The following WBP1 variants were observed in gnomAD, a reference collection of about 807,000 sequenced individuals.
WBP1 encodes the protein WW domain binding protein 1.
Under a neutral mutation model 25.6 loss-of-function variants are expected in WBP1, and 18 were observed. The observed-to-expected ratio is 0.70, with a 90% CI of 0.49 to 1.04. The LOEUF is 1.04. WBP1 is among the 50% of genes least tolerant of loss of function. WBP1 has a pLI of 0.00. For missense variants in WBP1, 330 were observed against 352.9 expected (o/e 0.94, Z 0.52); for synonymous variants, 122 against 137.7 (o/e 0.89, Z 0.80).
At chr2:74,459,593 G>C (rs764279579) in intron 1 of WBP1, 50 bp from the exon 2 acceptor site, 2 of 1,572,128 alleles carry the variant, frequency 1.3e-6, no homozygotes, top group Admixed American at 3.4e-5. Context: ...GGGGTGGACA[G>C]TGCCCTGGGC....
intron 2 of WBP1, 24 bp from the exon 3 acceptor site, chr2:74,459,849 T>C (rs1671841965): frequency 1.2e-6 from 2 of 1,612,762 alleles, no homozygotes; most frequent in Admixed American, 3.3e-5. Context: ...GATGCCTGAG[T>C]TGCTCCCTCC....
At position 74,459,998 on chromosome 2, in the gene WBP1, G is replaced by A. The variant is rs775597119; in HGVS notation, c.298G>A (p.Gly100Arg). The change falls in exon 3 of 4, where the codon GGG becomes AGG. Residue 100 changes from glycine to arginine, a missense_variant. Gly to Arg is a moderately radical substitution (Grantham distance 125, BLOSUM62 -2). Transcript: ENST00000233615. ...QREINLLAYHGACHGAGPFPT... is the reference protein window; with the variant it reads ...QREINLLAYHRACHGAGPFPT... Reference sequence around the variant, plus strand: ...TGAAATCAACTTGTTGGCCTATCATGGGGCATGCCATGGGGCTGGTCCTTT... The same window carrying A: ...TGAAATCAACTTGTTGGCCTATCATAGGGCATGCCATGGGGCTGGTCCTTT... 45 of 1,614,068 alleles carry A rather than the reference G, an allele frequency of 2.8e-5. No individual in the cohort carries two copies. The Admixed American group carries it at 7.5e-4, about 27-fold the overall frequency.
intron 2 of WBP1, 27 bp from the exon 3 acceptor site, chr2:74,459,846 G>A: frequency 6.2e-7 from 1 of 1,612,900 alleles, no homozygotes; most frequent in Non-Finnish European, 8.5e-7. Context: ...AAAGATGCCT[G>A]AGTTGCTCCC....
chr2:74,460,586 G>C lies in WBP1; in HGVS notation c.715G>C (p.Asp239His), dbSNP rs199714063. Residue 239 changes from aspartate (D) to histidine (H), a missense_variant, in exon 4 of 4, where the codon GAT becomes CAT. Asp to His is a moderately conservative substitution (Grantham distance 81). Coordinates refer to ENST00000233615, the MANE Select transcript of WBP1 (RefSeq NM_012477.4). ...KEVRVSATLP[D>H]LEDYSPCALP... ...GGTGAGGGTTAGTGCCACCCTGCCA[G>C]ATCTGGAGGACTACTCCCCGTGTGC... The C allele has an allele frequency of 2.5e-6, 4 of 1,613,532 alleles. No homozygotes were observed. The East Asian group carries it at 8.9e-5, about 36-fold the overall frequency.
chr2:74,458,986 T>G, intron 1 of WBP1: 1 of 1,550,586 alleles, frequency 6.4e-7, no homozygotes, highest in Non-Finnish European at 8.7e-7. Flanking sequence ...ATGTGCCTAT[T>G]GTCACAACAG....
At position 74,460,261 on chromosome 2, in the gene WBP1, G is replaced by A; in HGVS notation, c.390G>A (p.Val130=). Reference sequence around the variant, plus strand: ...TCAAGCCCCCAGCCTACGAGGATGTGGTTCACCGCCCAGGCACACCACCCC... The same window carrying A: ...TCAAGCCCCCAGCCTACGAGGATGTAGTTCACCGCCCAGGCACACCACCCC... ...STFKPPAYED[V]VHRPGTPPPP... is the part of the protein sequence containing the mutation. The change falls in exon 4 of 4, where the codon GTG becomes GTA. Residue 130 remains valine (V), a synonymous_variant. Transcript: ENST00000233615. 3.1e-6 allele frequency: 5 copies of A among 1,613,468 alleles called. No homozygotes were observed. Among genetic ancestry groups the A allele is most frequent in the Non-Finnish European group, 4.2e-6 (5 of 1,179,566 alleles).
chr2:74,459,582 G>T, intron 1 of WBP1, 61 bp from the exon 2 acceptor site: 2 of 1,499,796 alleles, frequency 1.3e-6, no homozygotes, highest in South Asian at 2.3e-5. Context: ...TGCAGGAGGT[G>T]GGGGTGGACA....
chr2:74,459,361 G>T (rs1463548429), intron 1 of WBP1: 1 of 636,706 alleles, frequency 1.6e-6, no homozygotes, highest in East Asian at 2.8e-5. Context: ...AGTGAGGCTT[G>T]AGTGTGAAGG....
chr2:74,459,471 T>C, intron 1 of WBP1, 172 bp from the exon 2 acceptor site: 1 of 659,094 alleles, frequency 1.5e-6, no homozygotes, highest in Non-Finnish European at 2.7e-6. Flanking sequence ...CTCTTCCACG[T>C]TGACAGCCCT....
rs143673545 is a variant in WBP1, at chr2:74,460,759, C to G, written c.*78C>G. The G allele has an allele frequency of 1.5e-5, 19 of 1,280,196 alleles. No homozygotes were observed. The East Asian group carries it at 4.7e-4, about 32-fold the overall frequency. The allele number at this position is 1,280,196 out of a possible 1,614,324, so 79.3% of individuals were successfully genotyped here. On this transcript the variant is annotated 3_prime_UTR_variant, in exon 4 of 4. Transcript: ENST00000233615. ...CCAACTCCTTGCGTTCCTTTGGCCC[C>G]TCCCTGCCTACCTAGAATCTGCCTG... is the stretch of plus-strand genomic sequence containing the variant.
chr2:74,459,061 T>C (rs1475625157), intron 1 of WBP1: 1 of 1,549,946 alleles, frequency 6.5e-7, no homozygotes, highest in Non-Finnish European at 8.7e-7. Flanking sequence ...ACTCGCGCCC[T>C]GGATGCCATC....
In WBP1 at chr2:74,460,119, A is replaced by G. The variant is rs1229836328; in HGVS notation, c.349+70A>G. 1.9e-6 allele frequency: 3 copies of G among 1,546,444 alleles called. No homozygotes were observed. In the African/African-American group the frequency reaches 4.5e-5, roughly 23 times the overall value. The stretch of plus-strand genomic sequence containing the variant: ...AAACCAGAACCCCAAATCGTCTCAC[A>G]TTCCCTTTTCCACACATTTCAAAGT... On this transcript the variant is annotated intron_variant, in intron 3 of 3. Coordinates refer to ENST00000233615, the MANE Select transcript of WBP1 (RefSeq NM_012477.4).
In WBP1 at chr2:74,460,023, T is replaced by C; in HGVS notation, c.323T>C (p.Phe108Ser). 1.9e-6 allele frequency: 3 copies of C among 1,613,908 alleles called. No individual in the cohort carries two copies. The highest frequency in any genetic ancestry group is 2.5e-6 in the Non-Finnish European group (3 of 1,179,832). Reference protein sequence around the residue: ...YHGACHGAGPFPTGSLLDLRF... With the variant: ...YHGACHGAGPSPTGSLLDLRF... ...GGGGCATGCCATGGGGCTGGTCCTT[T>C]CCCTACCGGTTCACTGCTTGACCTT... The change falls in exon 3 of 4, where the codon TTC (phenylalanine) becomes TCC (serine). Residue 108 changes from phenylalanine (F) to serine (S), a missense_variant. By Grantham distance (155) the Phe-to-Ser change is radical. Coordinates refer to ENST00000233615, the MANE Select transcript of WBP1 (RefSeq NM_012477.4).
In WBP1 at chr2:74,460,243, C is replaced by A. The variant is rs1309579379; in HGVS notation, c.372C>A (p.Pro124=). 1 of 1,611,910 alleles carries A rather than the reference C, an allele frequency of 6.2e-7. No homozygotes were observed. Among genetic ancestry groups the A allele is most frequent in the Non-Finnish European group, 8.5e-7 (1 of 1,178,476 alleles). Residue 124 remains proline (P), a synonymous_variant, in exon 4 of 4, where the codon CCC becomes CCA. Transcript: ENST00000233615. ...CAGGCTTCCTCAGCACCTTCAAGCC[C>A]CCAGCCTACGAGGATGTGGTTCACC... The part of the protein sequence containing the change: ...LDLRFLSTFK[P]PAYEDVVHRP...
intron 2 of WBP1, 24 bp downstream of exon 2, chr2:74,459,769 C>A: frequency 6.2e-7 from 1 of 1,614,062 alleles, no homozygotes; most frequent in Non-Finnish European, 8.5e-7. Context: ...AGGGCTATTT[C>A]CAGGTCCCTG....
rs979172256 is a variant in WBP1, at chr2:74,460,677, C to T, written c.806C>T (p.Pro269Leu). 3.2e-6 allele frequency: 5 copies of T among 1,556,900 alleles called. No individual in the cohort carries two copies. Among genetic ancestry groups the T allele is most frequent in the Non-Finnish European group, 4.4e-6 (5 of 1,148,082 alleles). ...MGLSSSEGDIP is the reference protein window; with the variant it reads ...MGLSSSEGDIL ...CTGTCTTCCAGTGAAGGGGACATCC[C>T]ATAAGTAGTTTTGAGAGGGTGGATG... Residue 269 changes from proline (P) to leucine (L), a missense_variant, in exon 4 of 4, where the codon CCA becomes CTA. Pro to Leu is a moderately conservative substitution (Grantham distance 98). Coordinates refer to ENST00000233615, the MANE Select transcript of WBP1 (RefSeq NM_012477.4).
rs148596865 is a variant in WBP1, at chr2:74,459,692, G to A, written c.119G>A (p.Ser40Asn). 1,219 of 1,614,004 alleles carry A rather than the reference G, an allele frequency of 7.6e-4. 1 individual carries two copies. The highest frequency in any genetic ancestry group is 9.6e-4 in the Non-Finnish European group (1,127 of 1,180,010). The stretch of plus-strand genomic sequence containing the variant: ...AACAACCAGCCCTACCTCTGTGAGA[G>A]TGGTCACTGCTGCGGGGAGACTGGC... Reference protein sequence around the residue: ...GVNNQPYLCESGHCCGETGCC... With the variant: ...GVNNQPYLCENGHCCGETGCC... The change falls in exon 2 of 4, where the codon AGT becomes AAT. Residue 40 changes from serine (S) to asparagine (N), a missense_variant. Ser to Asn is a conservative substitution (Grantham distance 46). Transcript: ENST00000233615.
Position 74,460,754 on chromosome 2 carries a change from G to C in WBP1, c.*73G>C. On this transcript the variant is annotated 3_prime_UTR_variant, in exon 4 of 4. Transcript: ENST00000233615. The stretch of plus-strand genomic sequence containing the variant: ...TAGTCCCAACTCCTTGCGTTCCTTT[G>C]GCCCCTCCCTGCCTACCTAGAATCT... 7.6e-7 allele frequency: 1 copy of C among 1,323,870 alleles called. No individual in the cohort carries two copies. The highest frequency in any genetic ancestry group is 1.5e-5 in the South Asian group (1 of 68,380). The allele number at this position is 1,323,870 out of a possible 1,614,324, so 82.0% of individuals were successfully genotyped here.
In WBP1 at chr2:74,458,459, G is replaced by T; in HGVS notation, c.-144G>T. On this transcript the variant is annotated 5_prime_UTR_variant, in exon 1 of 4. Coordinates refer to ENST00000233615, the MANE Select transcript of WBP1 (RefSeq NM_012477.4). ...AGTCCTAGTTGGTGGAGTTCTGCCC[G>T]GATGGAAGCTCCGGCCGCGGAGTGA... 1 of 1,454,302 alleles carries T rather than the reference G, an allele frequency of 6.9e-7. No individual in the cohort carries two copies. Among genetic ancestry groups the T allele is most frequent in the South Asian group, 1.4e-5 (1 of 70,534 alleles). The allele number at this position is 1,454,302 out of a possible 1,614,324, so 90.1% of individuals were successfully genotyped here.
Sources: gnomAD v4.1 joint callset for allele counts on GRCh38, gnomAD v4.1.1 for gene constraint, MANE v1.5 for transcripts, NCBI Gene and HGNC (gene_info 2026-07-23, HGNC 2026-07-21) for gene names.